ASTN2: variants seen among roughly 807,000 people sequenced by gnomAD.
ASTN2 encodes the protein astrotactin-2.
In ASTN2, 54 loss-of-function variants were observed where a neutral mutation model predicts 139.8. The observed-to-expected ratio is 0.39, with a 90% CI of 0.31 to 0.48. ASTN2 has a LOEUF of 0.48. Ranked by LOEUF, ASTN2 falls within the 20% of genes least tolerant of loss-of-function variation. The pLI is 0.95. For synonymous variants in ASTN2, 756 were observed against 719.5 expected (o/e 1.05, Z -0.81); for missense variants, 1,565 against 1,725.1 (o/e 0.91, Z 1.64).
intron 5 of ASTN2, among the ~76,000 whole-genome samples, chr9:117,084,439 G>A (rs2132730601): frequency 6.6e-6 from 1 of 152,288 alleles, no homozygotes; most frequent in African/African-American, 2.4e-5. Flanking sequence ...ACAGTTCTGG[G>A]GGATTGTGAC....
chr9:116,618,452 A>G lies in ASTN2; in HGVS notation c.3227T>C (p.Val1076Ala). The change falls in exon 19 of 23, where the codon GTG becomes GCG. Residue 1076 changes from valine (V) to alanine (A), a missense_variant. By Grantham distance (64) the Val-to-Ala change is moderately conservative (BLOSUM62 0). This residue lies in a region of ASTN2 where 418 missense variants were observed against 465.8 expected (regional missense o/e 0.90). Transcript: ENST00000313400. The stretch of plus-strand genomic sequence containing the variant: ...GGAGACCACAGTACTGGAGGGCTCC[A>G]CTGTTGGGGACAGCCGCAGCCTACA... Reference protein sequence around the residue: ...LQPVLRLSPTVEPSSTVVSLE... With the variant: ...LQPVLRLSPTAEPSSTVVSLE... 1.2e-6 allele frequency: 2 copies of G among 1,612,988 alleles called. No homozygotes were observed. Among genetic ancestry groups the G allele is most frequent in the Non-Finnish European group, 1.7e-6 (2 of 1,179,676 alleles).
At chr9:116,520,953 T>C (rs1050933775) in intron 19 of ASTN2, among the ~76,000 whole-genome samples, 8 of 151,978 alleles carry the variant, frequency 5.3e-5, no homozygotes, top group African/African-American at 1.7e-4. Context: ...TAACCAAGGA[T>C]GTGAAAGACC....
At chr9:116,429,415 C>T (rs954233711) in intron 22 of ASTN2, among the ~76,000 whole-genome samples, 77 of 148,556 alleles carry the variant, frequency 5.2e-4, no homozygotes, top group African/African-American at 1.9e-3. Flanking sequence ...GTTGTACTTA[C>T]AGGTGTTGGT....
chr9:116,781,403 AG>A (rs1830215489), intron 13 of ASTN2, among the ~76,000 whole-genome samples: 1 of 152,208 alleles, frequency 6.6e-6, no homozygotes, highest in African/African-American at 2.4e-5. Flanking sequence ...GGACACAAGT[AG>A]GCATATAGGA....
At chr9:116,637,253 T>G (rs1050053879) in intron 17 of ASTN2, among the ~76,000 whole-genome samples, 1 of 152,084 alleles carries the variant, frequency 6.6e-6, no homozygotes, top group South Asian at 2.1e-4. Context: ...GAAGAAAAAA[T>G]CAACTGAGAC....
intron 11 of ASTN2, among the ~76,000 whole-genome samples, chr9:116,834,004 C>G (rs1046472329): frequency 6.6e-6 from 1 of 152,314 alleles, no homozygotes; most frequent in East Asian, 1.9e-4. Context: ...GCACCTCAAT[C>G]TTAGACTTCA....
intron 10 of ASTN2, among the ~76,000 whole-genome samples, chr9:116,963,101 C>A (rs1252269143): frequency 6.6e-6 from 1 of 152,158 alleles, no homozygotes; most frequent in African/African-American, 2.4e-5. Context: ...GACTCCAATG[C>A]AATATAAGGC....
intron 19 of ASTN2, among the ~76,000 whole-genome samples, chr9:116,500,239 TA>T (rs1282025869): frequency 7.9e-5 from 12 of 152,184 alleles, no homozygotes; most frequent in Admixed American, 6.5e-4. Context: ...CTTTTTAGTT[TA>T]CAATGTATGC....
At chr9:116,819,657 G>C (rs1355747223) in intron 12 of ASTN2, among the ~76,000 whole-genome samples, 3 of 152,156 alleles carry the variant, frequency 2.0e-5, no homozygotes, top group African/African-American at 7.2e-5. Context: ...TTCTATCTTA[G>C]TAAAGACAGC....
intron 16 of ASTN2, among the ~76,000 whole-genome samples, chr9:116,664,318 G>C (rs1742832): frequency 0.93 from 141,579 of 151,430 alleles, 66,223 homozygotes; most frequent in East Asian, 0.97. Context: ...TAAGCTCAAG[G>C]AATCCACCCT....
intron 20 of ASTN2, among the ~76,000 whole-genome samples, chr9:116,462,700 C>T (rs556871689): frequency 7.2e-5 from 11 of 151,840 alleles, no homozygotes; most frequent in South Asian, 4.2e-4. Flanking sequence ...TATTCTTTTC[C>T]TTGGGTTAAG....
chr9:116,917,829 C>T (rs2132430797), intron 10 of ASTN2, among the ~76,000 whole-genome samples: 2 of 152,300 alleles, frequency 1.3e-5, no homozygotes, highest in South Asian at 2.1e-4. Context: ...CTGGCATGAA[C>T]ATGGGAGATA....
chr9:116,530,189 C>A (rs902014203), intron 19 of ASTN2, among the ~76,000 whole-genome samples: 1 of 137,276 alleles, frequency 7.3e-6, no homozygotes, highest in Non-Finnish European at 1.6e-5. Context: ...GAAGAAAATC[C>A]TCTCATTTGC....
At chr9:117,201,593 T>C (rs1325031944) in intron 3 of ASTN2, among the ~76,000 whole-genome samples, 1 of 152,192 alleles carries the variant, frequency 6.6e-6, no homozygotes, top group African/African-American at 2.4e-5. Context: ...AATTTCATTA[T>C]TTATCCAGGA....
In ASTN2 at chr9:116,675,006, C is replaced by T. The variant is rs143656167; in HGVS notation, c.2807-23213G>A. 5.1e-3 allele frequency among the ~76,000 whole-genome samples: 783 copies of T among 152,240 alleles called. 5 individuals carry two copies. Among genetic ancestry groups the T allele is most frequent in the African/African-American group, 0.017 (724 of 41,520 alleles). ...CGTCTTGATGAATCGGCTCTGTCTA[C>T]GCAGTGGGCAAGGTGAACCCCCTGG... is the stretch of plus-strand genomic sequence containing the variant. On this transcript the variant is annotated intron_variant, in intron 16 of 22. Transcript: ENST00000313400.
rs1564218246 is a variant in ASTN2, at chr9:116,699,437, T to G, written c.2806+26334A>C. 6.2e-7 allele frequency: 1 copy of G among 1,614,154 alleles called. No individual in the cohort carries two copies. Among genetic ancestry groups the G allele is most frequent in the East Asian group, 2.2e-5 (1 of 44,858 alleles). The stretch of plus-strand genomic sequence containing the variant: ...CTGATGGGCAGCTGGGTCGCCAGAT[T>G]AGCCACTTCTTCTCGGAGAATGAGG... On this transcript the variant is annotated intron_variant, in intron 16 of 22. Transcript: ENST00000313400. This position sits in a 1 kb window ranked among gnomAD's most constrained non-coding sequence, Gnocchi z 4.2.
intron 22 of ASTN2, among the ~76,000 whole-genome samples, chr9:116,430,115 T>G (rs1847449336): frequency 1.3e-5 from 2 of 152,212 alleles, no homozygotes; most frequent in South Asian, 4.1e-4. Context: ...GAGAGACATT[T>G]TCTGATTAGA....
chr9:117,105,442 A>C (rs189820393), intron 4 of ASTN2, among the ~76,000 whole-genome samples: 1 of 151,726 alleles, frequency 6.6e-6, no homozygotes, highest in East Asian at 1.9e-4. Context: ...ACATGAGAGA[A>C]CCTTCTAGTT....
chr9:117,170,024 A>G (rs1265087703), intron 3 of ASTN2, among the ~76,000 whole-genome samples: 2 of 152,124 alleles, frequency 1.3e-5, no homozygotes, highest in Non-Finnish European at 2.9e-5. Flanking sequence ...GATCATGAGC[A>G]TGGTCATCTC....
Sources: allele counts gnomAD v4.1 joint callset (sites outside exome capture counted in the v4.1 genomes callset), GRCh38; gene constraint gnomAD v4.1.1; regional missense constraint gnomAD v4.1.1; non-coding constraint Gnocchi (gnomAD v3.1); transcripts MANE v1.5; gene names NCBI Gene and HGNC (gene_info 2026-07-23, HGNC 2026-07-21).